CASR: variants seen among roughly 807,000 people sequenced by gnomAD.
The protein encoded by CASR is extracellular calcium-sensing receptor.
CASR carries 23 observed loss-of-function variants against 69.1 expected under a neutral mutation model. The ratio of observed to expected loss-of-function variants is 0.33; its 90% CI spans 0.24 to 0.47. CASR has a LOEUF of 0.47. Ranked by LOEUF, CASR falls within the 20% of genes least tolerant of loss-of-function variation. The pLI is 1.00. For synonymous variants in CASR, 541 were observed against 544.7 expected (o/e 0.99, Z 0.10); for missense variants, 924 against 1,356.1 (o/e 0.68, Z 5.00).
intron 2 of CASR, among the ~76,000 whole-genome samples, chr3:122,256,245 TC>T (rs2074553004): frequency 6.6e-6 from 1 of 152,232 alleles, no homozygotes; most frequent in African/African-American, 2.4e-5. Flanking sequence ...CACGTCCCTT[TC>T]CCCTTGACCT....
At chr3:122,189,347 A>G (rs1463085210) in intron 1 of CASR, among the ~76,000 whole-genome samples, 2 of 152,244 alleles carry the variant, frequency 1.3e-5, no homozygotes, top group African/African-American at 4.8e-5. Context: ...TGTGTGGCGT[A>G]TGGTGGGTGC....
chr3:122,231,521 G>A (rs1454121137), intron 1 of CASR, among the ~76,000 whole-genome samples: 1 of 152,134 alleles, frequency 6.6e-6, no homozygotes, highest in African/African-American at 2.4e-5. Context: ...ATTCCTGTGT[G>A]GACAATGAGG....
intron 3 of CASR, 81 bp downstream of exon 3, chr3:122,257,468 C>A: frequency 2.0e-6 from 2 of 991,400 alleles, no homozygotes; most frequent in South Asian, 1.4e-5. Flanking sequence ...AATAGCCATA[C>A]GGTTTACCAT....
chr3:122,217,840 T>C (rs1341147481), intron 1 of CASR, among the ~76,000 whole-genome samples: 1 of 152,140 alleles, frequency 6.6e-6, no homozygotes, highest in Non-Finnish European at 1.5e-5. Flanking sequence ...ATGTTAGCTA[T>C]TATTTTTGGT....
intron 4 of CASR, among the ~76,000 whole-genome samples, chr3:122,267,935 A>G (rs1383215652): frequency 2.0e-5 from 3 of 152,120 alleles, no homozygotes; most frequent in Admixed American, 6.5e-5. Context: ...AAATATGTCC[A>G]TTTTCTCAAC....
At chr3:122,213,831 A>C (rs2074091119) in intron 1 of CASR, among the ~76,000 whole-genome samples, 1 of 152,204 alleles carries the variant, frequency 6.6e-6, no homozygotes, top group African/African-American at 2.4e-5. Context: ...GAGATGACTT[A>C]CTCATACTGG....
At chr3:122,282,571 T>C (rs552641097) in intron 6 of CASR, among the ~76,000 whole-genome samples, 19 of 152,364 alleles carry the variant, frequency 1.2e-4, no homozygotes, top group African/African-American at 3.1e-4. Flanking sequence ...TAGGCCATCA[T>C]AGAATTGCCT....
chr3:122,186,045 GA>G (rs547599081), intron 1 of CASR, among the ~76,000 whole-genome samples: 27 of 145,602 alleles, frequency 1.9e-4, no homozygotes, highest in East Asian at 1.2e-3. Context: ...CATAGTAAGT[GA>G]AAAAAAAAAA....
At chr3:122,198,822 T>C (rs1358412117) in intron 1 of CASR, among the ~76,000 whole-genome samples, 2 of 148,572 alleles carry the variant, frequency 1.3e-5, no homozygotes, top group Non-Finnish European at 1.5e-5. Flanking sequence ...ATGTTTTATA[T>C]ATACATATAT....
chr3:122,269,041 ATG>A (rs904680262), intron 4 of CASR, among the ~76,000 whole-genome samples: 3 of 152,228 alleles, frequency 2.0e-5, no homozygotes, highest in African/African-American at 7.2e-5. Context: ...TTTTTAACTG[ATG>A]TAGGCCTCCT....
rs200756928 is a variant in CASR, at chr3:122,254,366, A to G, written c.177A>G (p.Glu59=). 9.6e-5 allele frequency: 155 copies of G among 1,614,032 alleles called. No homozygotes were observed. Among genetic ancestry groups the G allele is most frequent in the Non-Finnish European group, 1.3e-4 (152 of 1,179,980 alleles). The part of the protein sequence containing the change: ...QDLKSRPESV[E]CIRYNFRGFR... ...TCAAATCAAGGCCGGAGTCTGTGGA[A>G]TGTATCAGGTAAGAAGAGGGGCCTA... The change falls in exon 2 of 7, where the codon GAA becomes GAG. Residue 59 remains glutamate, a synonymous_variant. Transcript: ENST00000639785.
intron 5 of CASR, among the ~76,000 whole-genome samples, chr3:122,277,969 T>C (rs2221266): frequency 0.56 from 85,617 of 152,068 alleles, 26,491 homozygotes; most frequent in Middle Eastern, 0.74. Flanking sequence ...TCCATAGAAA[T>C]ATTACCTCAA....
intron 1 of CASR, among the ~76,000 whole-genome samples, chr3:122,234,899 T>G (rs1345323089): frequency 6.6e-6 from 1 of 152,268 alleles, no homozygotes; most frequent in Non-Finnish European, 1.5e-5. Context: ...ATTTTTTAAA[T>G]GCTGGTTCCT....
intron 1 of CASR, among the ~76,000 whole-genome samples, chr3:122,222,284 G>T (rs1247190223): frequency 1.3e-5 from 2 of 152,132 alleles, no homozygotes; most frequent in East Asian, 3.8e-4. Context: ...TTAATAGCCT[G>T]TGTACTCTGG....
chr3:122,190,522 T>G (rs1408576630), intron 1 of CASR, among the ~76,000 whole-genome samples: 1 of 152,172 alleles, frequency 6.6e-6, no homozygotes, highest in East Asian at 1.9e-4. Context: ...TGCCCCATTT[T>G]CCTTATCTGT....
chr3:122,285,249 G>C lies in CASR; in HGVS notation c.*58G>C. ...CAGAGAGGTTTCTTGGGGTCCCAGG[G>C]AAGAGGAATCGCCCCAGACTCCTTT... On this transcript the variant is annotated 3_prime_UTR_variant, in exon 7 of 7. Transcript: ENST00000639785. 6.5e-7 allele frequency: 1 copy of C among 1,530,724 alleles called. No individual in the cohort carries two copies. Among genetic ancestry groups the C allele is most frequent in the South Asian group, 1.1e-5 (1 of 89,288 alleles). The allele number at this position is 1,530,724 out of a possible 1,614,324, so 94.8% of individuals were successfully genotyped here.
At chr3:122,227,890 G>A (rs2074240446) in intron 1 of CASR, among the ~76,000 whole-genome samples, 1 of 152,128 alleles carries the variant, frequency 6.6e-6, no homozygotes, top group African/African-American at 2.4e-5. Context: ...TGAAAGCCAA[G>A]ATAAAAACTA....
rs532643376 is a variant in CASR at position 122,251,522 on chromosome 3, C to T, written c.-242-2426C>T. On this transcript the variant is annotated intron_variant, in intron 1 of 6. Coordinates refer to ENST00000639785, the MANE Select transcript of CASR (RefSeq NM_000388.4). ...CATTCACCCGAAGGCCTACAGTTCA[C>T]CCAGACATGCCCTGCAATTAAGGAC... is the stretch of plus-strand genomic sequence containing the variant. Among the ~76,000 whole-genome samples the T allele has an allele frequency of 3.6e-4, 55 of 152,312 alleles. No individual in the cohort carries two copies. In the South Asian group the frequency reaches 7.9e-3, roughly 22 times the overall value.
In CASR at chr3:122,285,563, C is replaced by T. The variant is rs201608931; in HGVS notation, c.*372C>T. The T allele has an allele frequency of 3.9e-6, 1 of 253,952 alleles. No individual in the cohort carries two copies. 15.7% of individuals were successfully genotyped at this position (253,952 alleles called of 1,614,324 possible). A position where few individuals can be genotyped will look rare whatever the true frequency, so the allele number is the denominator to read the frequency against. On this transcript the variant is annotated 3_prime_UTR_variant, in exon 7 of 7. Transcript: ENST00000639785. ...GACTGATGGGACATCAAATTTGCCA[C>T]CACTAGAGCTGAGAGTCTGAAAGAC...
Sources: allele counts gnomAD v4.1 joint callset (sites outside exome capture counted in the v4.1 genomes callset), GRCh38; gene constraint gnomAD v4.1.1; transcripts MANE v1.5; gene names NCBI Gene and HGNC (gene_info 2026-07-23, HGNC 2026-07-21).